Variants in CLHC1 observed in about 807,000 individuals in gnomAD.
CLHC1 encodes the protein clathrin heavy chain linker domain-containing protein 1.
A neutral mutation model predicts 69.5 loss-of-function variants in CLHC1; 72 were observed. The observed-to-expected ratio is 1.04, with a 90% CI of 0.86 to 1.26. CLHC1 has a LOEUF of 1.26. Among genes scored for constraint, CLHC1 ranks in the 50% most tolerant of loss-of-function variants. The probability of loss-of-function intolerance (pLI) is 0.00; values close to 1 mark genes in which losing one functional copy is unlikely to be tolerated. For synonymous variants in CLHC1, 223 were observed against 224.3 expected (o/e 0.99, Z 0.05); for missense variants, 790 against 679.3 (o/e 1.16, Z -1.81).
At chr2:55,200,328 T>G (rs574207819) in intron 9 of CLHC1, among the ~76,000 whole-genome samples, 3 of 142,818 alleles carry the variant, frequency 2.1e-5, no homozygotes, top group African/African-American at 7.8e-5. Flanking sequence ...ACATATAGAC[T>G]GAAAACACAG....
Position 55,175,809 on chromosome 2 carries a change from ATTAGGTTGACTGCGTCATCCTC to A in CLHC1, c.1720_1741del (p.Glu574TrpfsTer11). ...ATAGAACTACCAAAACACATGTTCC[ATTAGGTTGACTGCGTCATCCTC>A]TTCAGAAATTTCTGTAACTGCAGCC... On this transcript the variant is annotated frameshift_variant, in exon 13 of 13. Coordinates refer to ENST00000401408, the MANE Select transcript of CLHC1 (RefSeq NM_152385.4). LOFTEE classifies it high-confidence loss of function. 1 of 1,613,942 alleles carries A rather than the reference ATTAGGTTGACTGCGTCATCCTC, an allele frequency of 6.2e-7. No individual in the cohort carries two copies. The highest frequency in any genetic ancestry group is 1.1e-5 in the South Asian group (1 of 91,072).
chr2:55,232,411 C>T (rs577098011), upstream of CLHC1: 23 of 286,490 alleles, frequency 8.0e-5, no homozygotes, highest in South Asian at 8.0e-4. Flanking sequence ...CCCCCTCGAC[C>T]TCCTTTTAAA....
At chr2:55,185,162 G>C (rs894332851) in intron 9 of CLHC1, among the ~76,000 whole-genome samples, 5 of 152,102 alleles carry the variant, frequency 3.3e-5, no homozygotes, top group Admixed American at 6.6e-5. Flanking sequence ...GTAGAAACTA[G>C]CATAGCAGAC....
At position 55,208,827 on chromosome 2, in the gene CLHC1, C is replaced by T. The variant is rs1295392052; in HGVS notation, c.815-117G>A. 7 of 589,288 alleles carry T rather than the reference C, an allele frequency of 1.2e-5. No individual in the cohort carries two copies. In the East Asian group the frequency reaches 1.5e-4, roughly 13 times the overall value. 36.5% of individuals were successfully genotyped at this position (589,288 alleles called of 1,614,324 possible). On this transcript the variant is annotated intron_variant, in intron 7 of 12. Coordinates refer to ENST00000401408, the MANE Select transcript of CLHC1 (RefSeq NM_152385.4). ...TTGCTATGGCTCCTAACAGCAGCAA[C>T]CTCTTCCTAAACTTAGTGGCCTCCC...
chr2:55,219,924 C>CA (rs770309614), intron 3 of CLHC1, among the ~76,000 whole-genome samples: 38 of 152,232 alleles, frequency 2.5e-4, no homozygotes, highest in Non-Finnish European at 3.8e-4. Context: ...TTGGTAGAGA[C>CA]AGAGTGTTGC....
chr2:55,224,620 C>T, intron 2 of CLHC1: 1 of 253,780 alleles, frequency 3.9e-6, no homozygotes, highest in South Asian at 4.1e-5. Flanking sequence ...CGGGAGGAAC[C>T]CCCGCAGTGC....
chr2:55,217,668 TAGG>T (rs1384527483), intron 4 of CLHC1, 140 bp downstream of exon 4: 4 of 465,390 alleles, frequency 8.6e-6, no homozygotes, highest in African/African-American at 2.1e-5. Context: ...TTCAAGTTAC[TAGG>T]AGAAGGTAAC....
intron 4 of CLHC1, among the ~76,000 whole-genome samples, chr2:55,215,319 T>C (rs1414866668): frequency 6.6e-6 from 1 of 152,228 alleles, no homozygotes; most frequent in Admixed American, 6.5e-5. Flanking sequence ...TCTTCAAATA[T>C]TGTCTTTGTC....
intron 6 of CLHC1, 34 bp downstream of exon 6, chr2:55,209,596 C>A: frequency 6.2e-7 from 1 of 1,601,842 alleles, no homozygotes; most frequent in East Asian, 2.2e-5. Flanking sequence ...AAATAAAACT[C>A]CAAACTTTAA....
chr2:55,222,868 C>T (rs1674281178), intron 2 of CLHC1, among the ~76,000 whole-genome samples: 1 of 142,052 alleles, frequency 7.0e-6, no homozygotes, highest in Non-Finnish European at 1.5e-5. Flanking sequence ...TGCGGTGAGC[C>T]GAGATCGCGC....
intron 9 of CLHC1, among the ~76,000 whole-genome samples, chr2:55,201,758 A>G (rs1353772997): frequency 1.3e-5 from 2 of 152,158 alleles, no homozygotes; most frequent in East Asian, 3.9e-4. Context: ...TGATGCAAAA[A>G]TCATCAACAA....
intron 1 of CLHC1, among the ~76,000 whole-genome samples, chr2:55,228,460 C>T (rs1329469345): frequency 6.6e-6 from 1 of 152,186 alleles, no homozygotes; most frequent in Non-Finnish European, 1.5e-5. Context: ...CATAAACCAA[C>T]CAAGATTACC....
chr2:55,222,957 A>C (rs970052531), intron 2 of CLHC1, among the ~76,000 whole-genome samples: 28 of 145,258 alleles, frequency 1.9e-4, no homozygotes, highest in African/African-American at 7.0e-4. Context: ...ATGCTATTCC[A>C]CTGCCATATG....
chr2:55,214,594 T>C (rs1020467418), intron 4 of CLHC1: 5 of 152,248 alleles, frequency 3.3e-5, no homozygotes, highest in African/African-American at 1.2e-4. Flanking sequence ...TCTTGGTAAC[T>C]ATTGATGGCT....
At chr2:55,183,676 C>T (rs1670132442) in intron 9 of CLHC1, among the ~76,000 whole-genome samples, 1 of 152,226 alleles carries the variant, frequency 6.6e-6, no homozygotes, top group Admixed American at 6.5e-5. Flanking sequence ...GAATAAGTGG[C>T]ATGGTGCTAA....
chr2:55,205,114 A>G (rs1672313059), intron 9 of CLHC1, among the ~76,000 whole-genome samples: 1 of 152,140 alleles, frequency 6.6e-6, no homozygotes, highest in Admixed American at 6.6e-5. Flanking sequence ...TCAAAAGGCA[A>G]CAGATGTTGG....
intron 12 of CLHC1, among the ~76,000 whole-genome samples, chr2:55,176,665 G>A (rs72916727): frequency 6.6e-6 from 1 of 152,146 alleles, no homozygotes; most frequent in African/African-American, 2.4e-5. Context: ...CTTCATAAAA[G>A]AGGATCACTT....
chr2:55,211,324 A>G (rs1405308213), intron 5 of CLHC1, among the ~76,000 whole-genome samples: 2 of 151,888 alleles, frequency 1.3e-5, no homozygotes, highest in African/African-American at 4.8e-5. Context: ...ACACGGTGAA[A>G]CCCCGTCTCT....
chr2:55,195,579 A>G (rs1370040332), intron 9 of CLHC1, among the ~76,000 whole-genome samples: 2 of 152,180 alleles, frequency 1.3e-5, no homozygotes, highest in Non-Finnish European at 2.9e-5. Flanking sequence ...AGGCAGGCAG[A>G]TCACTTGAGG....
Sources: allele counts gnomAD v4.1 joint callset (sites outside exome capture counted in the v4.1 genomes callset), GRCh38; gene constraint gnomAD v4.1.1; transcripts MANE v1.5; gene names NCBI Gene and HGNC (gene_info 2026-07-23, HGNC 2026-07-21).